TMEM132C: variants seen among roughly 807,000 people sequenced by gnomAD.
TMEM132C encodes the protein transmembrane protein 132C.
Under a neutral mutation model 61.4 loss-of-function variants are expected in TMEM132C, and 29 were observed. That is an observed-to-expected ratio of 0.47 (90% CI 0.35 to 0.64). The LOEUF is 0.64. Ranked by LOEUF, TMEM132C falls within the 30% of genes least tolerant of loss-of-function variation. TMEM132C has a pLI of 0.00. For missense variants in TMEM132C, 1,408 were observed against 1,476.9 expected (o/e 0.95, Z 0.76); for synonymous variants, 656 against 633.1 (o/e 1.04, Z -0.54).
intron 3 of TMEM132C, among the ~76,000 whole-genome samples, chr12:128,615,306 T>C (rs756536321): frequency 6.6e-6 from 1 of 152,100 alleles, no homozygotes; most frequent in Non-Finnish European, 1.5e-5. Context: ...GGGGGAAGGA[T>C]GGTTTTGGGA....
chr12:128,524,453 G>T (rs1294413998), intron 2 of TMEM132C, among the ~76,000 whole-genome samples: 1 of 152,144 alleles, frequency 6.6e-6, no homozygotes, highest in African/African-American at 2.4e-5. Context: ...ATAGCTCATG[G>T]ACAGGCTGTC....
chr12:128,352,047 T>G (rs897946651), intron 1 of TMEM132C, among the ~76,000 whole-genome samples: 60 of 152,058 alleles, frequency 3.9e-4, no homozygotes, highest in African/African-American at 1.3e-3. Context: ...CTCAGGGAAG[T>G]GTCAGTCTTT....
At chr12:128,410,923 T>A (rs1206578698) in intron 1 of TMEM132C, among the ~76,000 whole-genome samples, 1 of 152,208 alleles carries the variant, frequency 6.6e-6, no homozygotes. Flanking sequence ...TATCCACAAA[T>A]CTGGAACAGT....
intron 3 of TMEM132C, among the ~76,000 whole-genome samples, chr12:128,598,531 C>T (rs1041934303): frequency 6.6e-6 from 1 of 152,140 alleles, no homozygotes; most frequent in South Asian, 2.1e-4. Context: ...CCCAGCCTTG[C>T]TCCCCGATGT....
At position 128,706,841 on chromosome 12, in the gene TMEM132C, T is replaced by C. The variant is rs1321730677; in HGVS notation, c.*546T>C. ...ATAGAACTAGGGAGTTTTAAATCTT[T>C]ACTTGATCATCTTTTATTTTCTTTT... is the stretch of plus-strand genomic sequence containing the variant. On this transcript the variant is annotated 3_prime_UTR_variant, in exon 9 of 9. Coordinates refer to ENST00000435159, the MANE Select transcript of TMEM132C (RefSeq NM_001136103.3). The C allele has an allele frequency of 6.6e-6, 1 of 152,250 alleles. No homozygotes were observed. The highest frequency in any genetic ancestry group is 2.4e-5 in the African/African-American group (1 of 41,446). The allele number at this position is 152,250 out of a possible 1,614,324, so 9.4% of individuals were successfully genotyped here. A position where few individuals can be genotyped will look rare whatever the true frequency, so the allele number is the denominator to read the frequency against.
At chr12:128,313,372 T>A (rs970996741) in intron 1 of TMEM132C, among the ~76,000 whole-genome samples, 7 of 152,102 alleles carry the variant, frequency 4.6e-5, no homozygotes, top group African/African-American at 1.7e-4. Flanking sequence ...GCACCCCCAG[T>A]CTCTATCTTC....
intron 2 of TMEM132C, among the ~76,000 whole-genome samples, chr12:128,427,428 GTA>G (rs1251726209): frequency 2.6e-3 from 334 of 129,268 alleles, no homozygotes; most frequent in African/African-American, 5.9e-3. Context: ...GTGTGTGTGT[GTA>G]TATATATTTA....
At chr12:128,477,558 TTTTG>T (rs1394325491) in intron 2 of TMEM132C, among the ~76,000 whole-genome samples, 8 of 150,618 alleles carry the variant, frequency 5.3e-5, no homozygotes, top group Admixed American at 2.0e-4. Context: ...GCAGGCACCA[TTTTG>T]TTTGTTTGTT....
intron 7 of TMEM132C, 149 bp from the exon 8 acceptor site, chr12:128,697,075 C>A: frequency 1.7e-6 from 1 of 579,960 alleles, no homozygotes; most frequent in Non-Finnish European, 2.8e-6. Context: ...ATGGGATGGG[C>A]CAGCATATAG....
chr12:128,366,960 A>G (rs1873890467), intron 1 of TMEM132C, among the ~76,000 whole-genome samples: 1 of 152,218 alleles, frequency 6.6e-6, no homozygotes, highest in Non-Finnish European at 1.5e-5. Context: ...CATGGGTGAC[A>G]TGGGAGTGAG....
chr12:128,432,178 G>T (rs1487136200), intron 2 of TMEM132C, among the ~76,000 whole-genome samples: 1 of 152,202 alleles, frequency 6.6e-6, no homozygotes, highest in Non-Finnish European at 1.5e-5. Flanking sequence ...TGTGCAGGGG[G>T]ATGAATGCTG....
chr12:128,361,032 A>G (rs1357310521), intron 1 of TMEM132C, among the ~76,000 whole-genome samples: 1 of 152,208 alleles, frequency 6.6e-6, no homozygotes. Flanking sequence ...GGACACCCAG[A>G]AGTAAGACAG....
chr12:128,311,879 C>T (rs372253587), intron 1 of TMEM132C, among the ~76,000 whole-genome samples: 10 of 152,226 alleles, frequency 6.6e-5, no homozygotes, highest in Admixed American at 1.3e-4. Flanking sequence ...CCGCCGTTGA[C>T]GGTGCAGGGG....
chr12:128,606,398 C>T (rs1876427332), intron 3 of TMEM132C, among the ~76,000 whole-genome samples: 1 of 152,240 alleles, frequency 6.6e-6, no homozygotes, highest in African/African-American at 2.4e-5. Flanking sequence ...CATAGTCTCT[C>T]TCCTCTCTTA....
chr12:128,610,685 G>A (rs1464428996), intron 3 of TMEM132C, among the ~76,000 whole-genome samples: 1 of 152,194 alleles, frequency 6.6e-6, no homozygotes, highest in African/African-American at 2.4e-5. Flanking sequence ...GCAAAGCTTA[G>A]CAAATATTTC....
intron 1 of TMEM132C, among the ~76,000 whole-genome samples, chr12:128,286,556 G>A (rs1191578097): frequency 6.6e-6 from 1 of 152,216 alleles, no homozygotes; most frequent in East Asian, 1.9e-4. Flanking sequence ...ATATGAAATG[G>A]CAGCTTTCAA....
chr12:128,600,413 G>C (rs1215559879), intron 3 of TMEM132C, among the ~76,000 whole-genome samples: 1 of 152,188 alleles, frequency 6.6e-6, no homozygotes, highest in Non-Finnish European at 1.5e-5. Context: ...CCCCAGCCAT[G>C]CTGAACTGTG....
chr12:128,375,313 C>T (rs551973059), intron 1 of TMEM132C, among the ~76,000 whole-genome samples: 17 of 152,212 alleles, frequency 1.1e-4, no homozygotes, highest in South Asian at 4.2e-4. Context: ...ACAATGACCC[C>T]GCACTGGGTG....
chr12:128,576,110 C>T (rs572158954), intron 3 of TMEM132C, among the ~76,000 whole-genome samples: 1 of 152,142 alleles, frequency 6.6e-6, no homozygotes, highest in Non-Finnish European at 1.5e-5. Flanking sequence ...CAAAAATTAG[C>T]TGGGCTTGGT....
Sources: allele counts gnomAD v4.1 joint callset (sites outside exome capture counted in the v4.1 genomes callset), GRCh38; gene constraint gnomAD v4.1.1; transcripts MANE v1.5; gene names NCBI Gene and HGNC (gene_info 2026-07-23, HGNC 2026-07-21).